CACNA1C: variants seen among roughly 807,000 people sequenced by gnomAD.
CACNA1C encodes the protein calcium voltage-gated channel subunit alpha1 C.
In CACNA1C, 30 loss-of-function variants were observed where a neutral mutation model predicts 229.0. The observed-to-expected ratio is 0.13, with a 90% CI of 0.10 to 0.18. The LOEUF (loss-of-function observed/expected upper bound fraction) is 0.18, where lower values mean the gene tolerates loss of function less well. Among genes scored for constraint, CACNA1C ranks in the 10% least tolerant of loss-of-function variants. The pLI, the probability that CACNA1C is intolerant of heterozygous loss-of-function variation, is 1.00. For synonymous variants in CACNA1C, 1,114 were observed against 1,132.5 expected (o/e 0.98, Z 0.33); for missense variants, 1,658 against 2,845.0 (o/e 0.58, Z 9.49).
chr12:2,551,780 C>A (rs1464607836), intron 10 of CACNA1C, among the ~76,000 whole-genome samples: 1 of 152,132 alleles, frequency 6.6e-6, no homozygotes, highest in Non-Finnish European at 1.5e-5. Flanking sequence ...CGGCATGTTA[C>A]TTCATGGCAG....
chr12:2,195,774 T>C (rs756376996), intron 3 of CACNA1C, among the ~76,000 whole-genome samples: 1 of 152,192 alleles, frequency 6.6e-6, no homozygotes, highest in Non-Finnish European at 1.5e-5. Context: ...GGATAGGGAA[T>C]GTCGAAACCG....
At chr12:2,465,113 A>G (rs1238258727) in intron 5 of CACNA1C, among the ~76,000 whole-genome samples, 1 of 152,250 alleles carries the variant, frequency 6.6e-6, no homozygotes, top group Non-Finnish European at 1.5e-5. Context: ...TAAGGCACGC[A>G]AAGCACTTTA....
chr12:1,986,223 G>C (rs2037733497), intron 1 of CACNA1C, among the ~76,000 whole-genome samples: 1 of 152,114 alleles, frequency 6.6e-6, no homozygotes, highest in African/African-American at 2.4e-5. Flanking sequence ...TTATTTCCTG[G>C]GTTCTGTTAC....
chr12:2,060,241 T>C lies in CACNA1C; in HGVS notation c.49+6630T>C, dbSNP rs527731004. 7.4e-4 allele frequency among the ~76,000 whole-genome samples: 112 copies of C among 152,262 alleles called. 1 individual carries two copies. Among genetic ancestry groups the C allele is most frequent in the African/African-American group, 2.0e-3 (83 of 41,554 alleles). ...GCCGGGCTGTGCTGTGGGACTTCCC[T>C]GGTGAGCTGCTGGGATTCTTCATGG... is the stretch of plus-strand genomic sequence containing the variant. On this transcript the variant is annotated intron_variant, in intron 1 of 46. Transcript: ENST00000399655.
At chr12:2,084,368 C>T (rs1213801548) in intron 1 of CACNA1C, among the ~76,000 whole-genome samples, 1 of 152,216 alleles carries the variant, frequency 6.6e-6, no homozygotes, top group Admixed American at 6.5e-5. Context: ...ATCTACCATC[C>T]TATAACTTCT....
At chr12:1,995,302 A>T (rs6489341) in intron 1 of CACNA1C, among the ~76,000 whole-genome samples, 30,105 of 152,218 alleles carry the variant, frequency 0.2, 3,104 homozygotes, top group African/African-American at 0.26. Flanking sequence ...AAGAATCATA[A>T]TGCGTGTTGT....
intron 3 of CACNA1C, among the ~76,000 whole-genome samples, chr12:2,434,864 G>A (rs1367303905): frequency 6.6e-6 from 1 of 152,270 alleles, no homozygotes; most frequent in African/African-American, 2.4e-5. Context: ...CTGGACCACG[G>A]CAGAGGTCTC....
At chr12:2,477,699 G>A (rs533687442) in intron 5 of CACNA1C, among the ~76,000 whole-genome samples, 5 of 152,278 alleles carry the variant, frequency 3.3e-5, no homozygotes, top group African/African-American at 1.2e-4. Flanking sequence ...GGCTGGCATT[G>A]TCACAGCCTC....
At chr12:2,128,814 C>A (rs113767116) in intron 3 of CACNA1C, among the ~76,000 whole-genome samples, 3 of 152,170 alleles carry the variant, frequency 2.0e-5, no homozygotes, top group Non-Finnish European at 4.4e-5. Context: ...AAGTGCCTTG[C>A]GTATAAATGC....
At chr12:2,207,401 G>A (rs1412569249) in intron 3 of CACNA1C, among the ~76,000 whole-genome samples, 1 of 152,208 alleles carries the variant, frequency 6.6e-6, no homozygotes, top group Non-Finnish European at 1.5e-5. Context: ...CTATATAATA[G>A]ACATTATGCT....
intron 1 of CACNA1C, among the ~76,000 whole-genome samples, chr12:2,093,659 G>A (rs2072463545): frequency 6.6e-6 from 1 of 152,208 alleles, no homozygotes; most frequent in Admixed American, 6.5e-5. Flanking sequence ...CCTCATCGCG[G>A]AGCACTTTAC....
chr12:2,656,520 A>G (rs1044653827), intron 34 of CACNA1C, among the ~76,000 whole-genome samples: 1 of 152,210 alleles, frequency 6.6e-6, no homozygotes, highest in Non-Finnish European at 1.5e-5. Flanking sequence ...GCAATCTACA[A>G]ATTCAATGCA....
intron 3 of CACNA1C, among the ~76,000 whole-genome samples, chr12:2,396,458 C>T (rs974864810): frequency 3.9e-5 from 6 of 152,088 alleles, no homozygotes; most frequent in Admixed American, 6.5e-5. Flanking sequence ...ATCCGGCTGC[C>T]CAAGTGGTTC....
intron 3 of CACNA1C, among the ~76,000 whole-genome samples, chr12:2,422,027 A>G (rs2098984362): frequency 6.6e-6 from 1 of 152,222 alleles, no homozygotes. Flanking sequence ...GAAATCTACT[A>G]ATACTTGGTT....
chr12:2,523,081 C>T (rs1172568427), intron 9 of CACNA1C, among the ~76,000 whole-genome samples: 2 of 125,890 alleles, frequency 1.6e-5, no homozygotes, highest in Non-Finnish European at 3.1e-5. Context: ...GCATTTATCG[C>T]TTCAGCCTAA....
intron 7 of CACNA1C, among the ~76,000 whole-genome samples, chr12:2,496,595 TC>T (rs2099747258): frequency 6.6e-6 from 1 of 151,598 alleles, no homozygotes; most frequent in Non-Finnish European, 1.5e-5. Context: ...TCCTCTAACA[TC>T]CGTTATTGCA....
chr12:2,482,974 G>A (rs908071197), intron 5 of CACNA1C, among the ~76,000 whole-genome samples: 2 of 152,206 alleles, frequency 1.3e-5, no homozygotes, highest in African/African-American at 4.8e-5. Flanking sequence ...ATTGAATGAT[G>A]TTATTTCCAA....
rs879396424 is a variant in CACNA1C, at chr12:2,373,462, C to T, written c.478-75514C>T. ...TCGGCAGAGGTCTCCTGAGGTGACACTGAGGCCCGACTGCCCTGAGGAGCC... is the reference window on the plus strand; with the variant it reads ...TCGGCAGAGGTCTCCTGAGGTGACATTGAGGCCCGACTGCCCTGAGGAGCC... On this transcript the variant is annotated intron_variant, in intron 3 of 46. Transcript: ENST00000399655. 2.2e-4 allele frequency among the ~76,000 whole-genome samples: 34 copies of T among 152,200 alleles called. No individual in the cohort carries two copies. The Middle Eastern group carries it at 0.01, about 46-fold the overall frequency.
intron 9 of CACNA1C, among the ~76,000 whole-genome samples, chr12:2,539,979 A>C (rs961681969): frequency 2.0e-5 from 3 of 152,326 alleles, no homozygotes; most frequent in Middle Eastern, 3.4e-3. Flanking sequence ...AGTGAGGGGC[A>C]GCCTCAGAGT....
Sources: allele counts gnomAD v4.1 joint callset (sites outside exome capture counted in the v4.1 genomes callset), GRCh38; gene constraint gnomAD v4.1.1; transcripts MANE v1.5; gene names NCBI Gene and HGNC (gene_info 2026-07-23, HGNC 2026-07-21).